STAT4: variants seen among roughly 807,000 people sequenced by gnomAD.
STAT4 encodes the protein signal transducer and activator of transcription 4.
STAT4 carries 42 observed loss-of-function variants against 110.5 expected under a neutral mutation model. The observed-to-expected ratio is 0.38, with a 90% CI of 0.30 to 0.49. The LOEUF (loss-of-function observed/expected upper bound fraction) is 0.49, where lower values mean the gene tolerates loss of function less well. Among genes scored for constraint, STAT4 ranks in the 20% least tolerant of loss-of-function variants. The pLI is 0.95. For missense variants in STAT4, 632 were observed against 887.9 expected (o/e 0.71, Z 3.66); for synonymous variants, 284 against 302.2 (o/e 0.94, Z 0.63).
Position 191,146,748 on chromosome 2 carries a change from A to C in STAT4, c.138T>G (p.Ala46=). ...TCGTTGCCATGGTTTCATTGTTAGA[A>C]GCTGCCTCCCTAAAAAAAAAAAGGA... ...QWIENQDWEA[A]SNNETMATIL... is the part of the protein sequence containing the mutation. The change falls in exon 3 of 24, where the codon GCT becomes GCG. Residue 46 remains alanine (A), a synonymous_variant. Transcript: ENST00000392320. This position sits in a 1 kb window ranked among gnomAD's most constrained non-coding sequence, Gnocchi z 4.5. 6.5e-7 allele frequency: 1 copy of C among 1,549,586 alleles called. No homozygotes were observed. Among genetic ancestry groups the C allele is most frequent in the Non-Finnish European group, 8.7e-7 (1 of 1,152,858 alleles).
In STAT4 at chr2:191,066,979, C is replaced by A. The variant is rs558062920; in HGVS notation, c.545-464G>T. Among the ~76,000 whole-genome samples, 1 of 152,064 alleles carries A rather than the reference C, an allele frequency of 6.6e-6. No individual in the cohort carries two copies. The highest frequency in any genetic ancestry group is 2.1e-4 in the South Asian group (1 of 4,808). On this transcript the variant is annotated intron_variant, in intron 6 of 23. Transcript: ENST00000392320. The surrounding 1 kb of genome is among the most constrained non-coding windows in gnomAD (Gnocchi z 4.3). ...CATATGCAGGTTTTATGAGAAACTGCCTGATAGAGTTACAGTCTTATCTAC... is the reference window on the plus strand; with the variant it reads ...CATATGCAGGTTTTATGAGAAACTGACTGATAGAGTTACAGTCTTATCTAC...
At chr2:191,093,910 G>A (rs1220409312) in intron 3 of STAT4, among the ~76,000 whole-genome samples, 1 of 152,190 alleles carries the variant, frequency 6.6e-6, no homozygotes, top group African/African-American at 2.4e-5. Context: ...CGATGTTGCT[G>A]AAAACCATGG....
At chr2:191,089,315 T>A (rs1210655259) in intron 3 of STAT4, among the ~76,000 whole-genome samples, 1 of 152,120 alleles carries the variant, frequency 6.6e-6, no homozygotes, top group African/African-American at 2.4e-5. Flanking sequence ...ATGCTCCACA[T>A]CATACGTGGT....
rs72913190 is a variant in STAT4, at chr2:191,076,353, A to T, written c.274-28T>A. ...GAAAAAAAAAACAATGAGCAAAAAT[A>T]ACTAACGTAAAGCTTAAATATATGT... is the stretch of plus-strand genomic sequence containing the variant. On this transcript the variant is annotated intron_variant, in intron 3 of 23. Coordinates refer to ENST00000392320, the MANE Select transcript of STAT4 (RefSeq NM_003151.4). The T allele has an allele frequency of 1.3e-3, 1,983 of 1,525,122 alleles. 1 individual carries two copies. The highest frequency in any genetic ancestry group is 1.7e-3 in the Non-Finnish European group (1,851 of 1,110,226). 94.5% of individuals were successfully genotyped at this position (1,525,122 alleles called of 1,614,324 possible). A position where few individuals can be genotyped will look rare whatever the true frequency, so the allele number is the denominator to read the frequency against.
rs143477086 is a variant in STAT4 at position 191,104,268 on chromosome 2, C to T, written c.274-27943G>A. 3.2e-4 allele frequency among the ~76,000 whole-genome samples: 48 copies of T among 151,984 alleles called. No homozygotes were observed. Among genetic ancestry groups the T allele is most frequent in the African/African-American group, 9.6e-4 (40 of 41,480 alleles). On this transcript the variant is annotated intron_variant, in intron 3 of 23. Coordinates refer to ENST00000392320, the MANE Select transcript of STAT4 (RefSeq NM_003151.4). This position sits in a 1 kb window ranked among gnomAD's most constrained non-coding sequence, Gnocchi z 4.3. ...TTTCTTGTAATTAATTTGCATTACT[C>T]GTATAATTTTTAAAAACACTCTTTT...
intron 3 of STAT4, among the ~76,000 whole-genome samples, chr2:191,094,424 G>A (rs919286859): frequency 6.6e-6 from 1 of 152,124 alleles, no homozygotes. Flanking sequence ...AAGAGAGTGG[G>A]GGCCAATACT....
Position 191,110,569 on chromosome 2 carries a change from C to A in STAT4, c.274-34244G>T, listed in dbSNP as rs760627876. On this transcript the variant is annotated intron_variant, in intron 3 of 23. Transcript: ENST00000392320. The surrounding 1 kb of genome is among the most constrained non-coding windows in gnomAD (Gnocchi z 4.5). Reference sequence around the variant, plus strand: ...AGCTGGGTGTCATACTAATTCCAATCTGAAAGTCTGAAAAAGACTTTTCTT... The same window carrying A: ...AGCTGGGTGTCATACTAATTCCAATATGAAAGTCTGAAAAAGACTTTTCTT... 2.0e-5 allele frequency among the ~76,000 whole-genome samples: 3 copies of A among 152,134 alleles called. No homozygotes were observed. The highest frequency in any genetic ancestry group is 2.9e-5 in the Non-Finnish European group (2 of 68,012).
intron 3 of STAT4, among the ~76,000 whole-genome samples, chr2:191,078,336 TCTTA>T (rs1345586033): frequency 6.6e-6 from 1 of 152,184 alleles, no homozygotes; most frequent in Non-Finnish European, 1.5e-5. Flanking sequence ...CATTTTCCTT[TCTTA>T]CTTGAACTTC....
chr2:191,100,570 A>T (rs565733415), intron 3 of STAT4, among the ~76,000 whole-genome samples: 1 of 152,276 alleles, frequency 6.6e-6, no homozygotes, highest in East Asian at 1.9e-4. Context: ...TTCCCCAAGC[A>T]TCAGAGCCTT....
Position 191,125,898 on chromosome 2 carries a change from T to A in STAT4, c.273+20715A>T, listed in dbSNP as rs1009420011. 3.9e-5 allele frequency among the ~76,000 whole-genome samples: 6 copies of A among 152,264 alleles called. No individual in the cohort carries two copies. The South Asian group carries it at 1.2e-3, about 32-fold the overall frequency. The stretch of plus-strand genomic sequence containing the variant: ...TAATGAAAGGTCAGAGGGTGCCTGG[T>A]GACTTGATGAAAAAACCAACATCCT... On this transcript the variant is annotated intron_variant, in intron 3 of 23. Coordinates refer to ENST00000392320, the MANE Select transcript of STAT4 (RefSeq NM_003151.4).
chr2:191,139,884 T>C (rs1699276330), intron 3 of STAT4, among the ~76,000 whole-genome samples: 1 of 152,172 alleles, frequency 6.6e-6, no homozygotes, highest in Non-Finnish European at 1.5e-5. Flanking sequence ...CAAAACAGCA[T>C]GGTACTGGCA....
chr2:191,092,910 G>T (rs551205920), intron 3 of STAT4, among the ~76,000 whole-genome samples: 1 of 152,220 alleles, frequency 6.6e-6, no homozygotes, highest in African/African-American at 2.4e-5. Context: ...CACGTGGCTC[G>T]GTGGGTCCCA....
rs1446803541 is a variant in STAT4 at position 191,031,148 on chromosome 2, A to G, written c.2112-68T>C. 5 of 1,506,308 alleles carry G rather than the reference A, an allele frequency of 3.3e-6. No individual in the cohort carries two copies. The highest frequency in any genetic ancestry group is 4.6e-6 in the Non-Finnish European group (5 of 1,085,126). The allele number at this position is 1,506,308 out of a possible 1,614,324, so 93.3% of individuals were successfully genotyped here. On this transcript the variant is annotated intron_variant, in intron 22 of 23. Coordinates refer to ENST00000392320, the MANE Select transcript of STAT4 (RefSeq NM_003151.4). This position sits in a 1 kb window ranked among gnomAD's most constrained non-coding sequence, Gnocchi z 4.8. Reference sequence around the variant, plus strand: ...TAATAATAGTTCACGGTGACTTACTATGTCAGGAACTCATTTCTAGGGCTT... The same window carrying G: ...TAATAATAGTTCACGGTGACTTACTGTGTCAGGAACTCATTTCTAGGGCTT...
Position 191,083,973 on chromosome 2 carries a change from G to A in STAT4, c.274-7648C>T, listed in dbSNP as rs867784548. On this transcript the variant is annotated intron_variant, in intron 3 of 23. Coordinates refer to ENST00000392320, the MANE Select transcript of STAT4 (RefSeq NM_003151.4). The surrounding 1 kb of genome is among the most constrained non-coding windows in gnomAD (Gnocchi z 4.6). ...TCTTTGATAGGTGTTTTAAGATATAGAACTTTGTGGCTGGGTGTGGTGGCT... is the reference window on the plus strand; with the variant it reads ...TCTTTGATAGGTGTTTTAAGATATAAAACTTTGTGGCTGGGTGTGGTGGCT... 1.5e-4 allele frequency among the ~76,000 whole-genome samples: 23 copies of A among 152,246 alleles called. No individual in the cohort carries two copies. The highest frequency in any genetic ancestry group is 6.8e-3 in the Middle Eastern group (2 of 294).
Position 191,058,332 on chromosome 2 carries a change from C to G in STAT4, c.1095-113G>C. On this transcript the variant is annotated intron_variant, in intron 11 of 23. Coordinates refer to ENST00000392320, the MANE Select transcript of STAT4 (RefSeq NM_003151.4). This position sits in a 1 kb window ranked among gnomAD's most constrained non-coding sequence, Gnocchi z 4.3. ...ATTTATTTTGAGACAGAGTCTCGCT[C>G]TGTCGTCCAGGCTGGAGTGCAGTGG... 1 of 1,181,408 alleles carries G rather than the reference C, an allele frequency of 8.5e-7. No homozygotes were observed. The highest frequency in any genetic ancestry group is 1.2e-6 in the Non-Finnish European group (1 of 843,764). The allele number at this position is 1,181,408 out of a possible 1,614,324, so 73.2% of individuals were successfully genotyped here.
Position 191,113,594 on chromosome 2 carries a change from G to A in STAT4, c.273+33019C>T, listed in dbSNP as rs1477689601. On this transcript the variant is annotated intron_variant, in intron 3 of 23. Coordinates refer to ENST00000392320, the MANE Select transcript of STAT4 (RefSeq NM_003151.4). The surrounding 1 kb of genome is among the most constrained non-coding windows in gnomAD (Gnocchi z 4.8). ...TGGCTTCACAGGGAGATGTAAGAAG[G>A]CAATTAGGTACCATTAGGGCCAAAT... Among the ~76,000 whole-genome samples the A allele has an allele frequency of 6.6e-6, 1 of 152,208 alleles. No homozygotes were observed. The highest frequency in any genetic ancestry group is 2.4e-5 in the African/African-American group (1 of 41,454).
chr2:191,086,788 C>T lies in STAT4; in HGVS notation c.274-10463G>A, dbSNP rs1697647280. Among the ~76,000 whole-genome samples, 3 of 152,106 alleles carry T rather than the reference C, an allele frequency of 2.0e-5. No homozygotes were observed. The highest frequency in any genetic ancestry group is 1.5e-5 in the Non-Finnish European group (1 of 68,000). The stretch of plus-strand genomic sequence containing the variant: ...TTGAAATTGCTAGAAATTAGAACTG[C>T]TTTTCTTAAAGCTTCTCAAACTGAA... On this transcript the variant is annotated intron_variant, in intron 3 of 23. Coordinates refer to ENST00000392320, the MANE Select transcript of STAT4 (RefSeq NM_003151.4). The surrounding 1 kb of genome is among the most constrained non-coding windows in gnomAD (Gnocchi z 5.5).
rs1464723577 is a variant in STAT4, at chr2:191,046,107, T to G, written c.1252-4959A>C. On this transcript the variant is annotated intron_variant, in intron 14 of 23. Coordinates refer to ENST00000392320, the MANE Select transcript of STAT4 (RefSeq NM_003151.4). This position sits in a 1 kb window ranked among gnomAD's most constrained non-coding sequence, Gnocchi z 4.6. ...AAGAATCTACAACTTCCACTTCATG[T>G]TCACTAATGGGGGTGCCTTTCACAT... Among the ~76,000 whole-genome samples, 1 of 152,236 alleles carries G rather than the reference T, an allele frequency of 6.6e-6. No homozygotes were observed. The highest frequency in any genetic ancestry group is 1.5e-5 in the Non-Finnish European group (1 of 68,042).
rs746939995 is a variant in STAT4 at position 191,039,309 on chromosome 2, G to A, written c.1336-12C>T. On this transcript the variant is annotated splice_polypyrimidine_tract_variant and intron_variant, in intron 15 of 23. Coordinates refer to ENST00000392320, the MANE Select transcript of STAT4 (RefSeq NM_003151.4). The surrounding 1 kb of genome is among the most constrained non-coding windows in gnomAD (Gnocchi z 4.7). ...GGCAATGAGCTGGTCTGGTTTGGGGGGAAAAAAGCATAGTTATTACAGGTA... is the reference window on the plus strand; with the variant it reads ...GGCAATGAGCTGGTCTGGTTTGGGGAGAAAAAAGCATAGTTATTACAGGTA... 1 of 1,611,888 alleles carries A rather than the reference G, an allele frequency of 6.2e-7. No individual in the cohort carries two copies. Among genetic ancestry groups the A allele is most frequent in the Non-Finnish European group, 8.5e-7 (1 of 1,178,330 alleles).
Sources: gnomAD v4.1 joint callset for allele counts (sites outside exome capture counted in the v4.1 genomes callset) on GRCh38, gnomAD v4.1.1 for gene constraint, Gnocchi (gnomAD v3.1) non-coding constraint, MANE v1.5 for transcripts, NCBI Gene and HGNC (gene_info 2026-07-23, HGNC 2026-07-21) for gene names.